DOC2A: variants seen among roughly 807,000 people sequenced by gnomAD.
DOC2A encodes double C2-like domain-containing protein alpha.
DOC2A carries 28 observed loss-of-function variants against 40.6 expected under a neutral mutation model. The observed-to-expected ratio is 0.69, with a 90% CI of 0.51 to 0.95. The LOEUF (loss-of-function observed/expected upper bound fraction) is 0.95, where lower values mean the gene tolerates loss of function less well. DOC2A is among the 40% of genes least tolerant of loss of function. The pLI, the probability that DOC2A is intolerant of heterozygous loss-of-function variation, is 0.00. For missense variants in DOC2A, 474 were observed against 552.5 expected (o/e 0.86, Z 1.42); for synonymous variants, 241 against 236.9 (o/e 1.02, Z -0.16).
At chr16:30,015,501 G>C (rs2070845638), upstream of DOC2A, among the ~76,000 whole-genome samples, 3 of 152,078 alleles carry the variant, frequency 2.0e-5, no homozygotes, top group East Asian at 5.8e-4. Flanking sequence ...TATTTTTGTA[G>C]AGATGGGTTT....
At chr16:30,015,542 C>A (rs1308294752), upstream of DOC2A, among the ~76,000 whole-genome samples, 1 of 152,120 alleles carries the variant, frequency 6.6e-6, no homozygotes, top group East Asian at 1.9e-4. Context: ...ATCTTGAACT[C>A]CTGACCTCAG....
chr16:30,011,356 T>G, upstream of DOC2A: 1 of 984,638 alleles, frequency 1.0e-6, no homozygotes, highest in Non-Finnish European at 1.2e-6. Flanking sequence ...ACACACGCAC[T>G]CGCAAACACG....
Position 30,005,805 on chromosome 16 carries a change from C to A in DOC2A, c.*381G>T. ...AGTGGCTCTGGGTTTGTTTTTTGTC[C>A]TTTTTTTTTGAGACATTCTCCTCCT... On this transcript the variant is annotated 3_prime_UTR_variant, in exon 11 of 11. Transcript: ENST00000350119. The A allele has an allele frequency of 2.3e-6, 1 of 443,868 alleles. No individual in the cohort carries two copies. The highest frequency in any genetic ancestry group is 4.5e-5 in the East Asian group (1 of 22,352). 27.5% of individuals were successfully genotyped at this position (443,868 alleles called of 1,614,324 possible). A position where few individuals can be genotyped will look rare whatever the true frequency, so the allele number is the denominator to read the frequency against.
Position 30,010,648 on chromosome 16 carries a change from G to A in DOC2A, c.-14+255C>T. On this transcript the variant is annotated intron_variant, in intron 1 of 10. Coordinates refer to ENST00000350119, the MANE Select transcript of DOC2A (RefSeq NM_003586.3). This position sits in a 1 kb window ranked among gnomAD's most constrained non-coding sequence, Gnocchi z 4.2. The stretch of plus-strand genomic sequence containing the variant: ...TCTGCACCAGGCGCTGGTCTAGTCA[G>A]GGTGTCACCCACCCCTCTAGGCTCC... 3.7e-6 allele frequency: 1 copy of A among 272,766 alleles called. No individual in the cohort carries two copies. The highest frequency in any genetic ancestry group is 7.2e-6 in the Non-Finnish European group (1 of 139,606). The allele number at this position is 272,766 out of a possible 1,614,324, so 16.9% of individuals were successfully genotyped here. A position where few individuals can be genotyped will look rare whatever the true frequency, so the allele number is the denominator to read the frequency against.
Position 30,006,841 on chromosome 16 carries a change from G to C in DOC2A, c.822C>G (p.Arg274=), listed in dbSNP as rs2070616312. 3.7e-6 allele frequency: 6 copies of C among 1,613,650 alleles called. No homozygotes were observed. Among genetic ancestry groups the C allele is most frequent in the Non-Finnish European group, 5.1e-6 (6 of 1,179,878 alleles). ...RRRGLLVGIL[R]CAHLAAMDVN... ...CGTCCATGGCAGCCAGATGGGCGCA[G>C]CGCAAGATGCCTACCAGCAGTCCCC... The change falls in exon 8 of 11, where the codon CGC becomes CGG. Residue 274 remains arginine (R), a synonymous_variant. Transcript: ENST00000350119. This position sits in a 1 kb window ranked among gnomAD's most constrained non-coding sequence, Gnocchi z 6.2.
In DOC2A at chr16:30,006,213, AG is replaced by A; in HGVS notation, c.1175del (p.Pro392LeufsTer50). On this transcript the variant is annotated frameshift_variant, in exon 11 of 11. Coordinates refer to ENST00000350119, the MANE Select transcript of DOC2A (RefSeq NM_003586.3). LOFTEE classifies it high-confidence loss of function. The surrounding 1 kb of genome is among the most constrained non-coding windows in gnomAD (Gnocchi z 6.2). ...AGGCTGAGGACAGAGCCCCGGCCGC[AG>A]GGGGCAGCTCACTGGTCAGGGTGTG... ...RWHTLTSELP[P>X]AAGALSSA 6.3e-7 allele frequency: 1 copy of A among 1,587,840 alleles called. No homozygotes were observed.
Position 30,010,310 on chromosome 16 carries a change from C to G in DOC2A, c.-13-75G>C, listed in dbSNP as rs765968828. 1 of 1,586,130 alleles carries G rather than the reference C, an allele frequency of 6.3e-7. No homozygotes were observed. The highest frequency in any genetic ancestry group is 1.7e-5 in the Admixed American group (1 of 59,970). On this transcript the variant is annotated intron_variant, in intron 1 of 10. Coordinates refer to ENST00000350119, the MANE Select transcript of DOC2A (RefSeq NM_003586.3). This position sits in a 1 kb window ranked among gnomAD's most constrained non-coding sequence, Gnocchi z 4.2. ...GCTGAGGGCCAGGCGACGGCCTCCT[C>G]GGTCTGTGGGGCCCTCACTGGCCTC... is the stretch of plus-strand genomic sequence containing the variant.
chr16:30,016,053 A>G (rs1184025427), upstream of DOC2A, among the ~76,000 whole-genome samples: 2 of 18,190 alleles, frequency 1.1e-4, no homozygotes, highest in Non-Finnish European at 2.0e-4. Flanking sequence ...ATATATATAT[A>G]TATTTTTTTT....
Position 30,010,996 on chromosome 16 carries a change from G to C in DOC2A, c.-107C>G, listed in dbSNP as rs1176600621. 3.0e-6 allele frequency: 3 copies of C among 993,408 alleles called. No individual in the cohort carries two copies. The highest frequency in any genetic ancestry group is 1.7e-5 in the African/African-American group (1 of 57,356). 61.5% of individuals were successfully genotyped at this position (993,408 alleles called of 1,614,324 possible). A position where few individuals can be genotyped will look rare whatever the true frequency, so the allele number is the denominator to read the frequency against. The stretch of plus-strand genomic sequence containing the variant: ...AGGAGAGCGCGGAGTCGAGCTGTGC[G>C]AGCCGAGAGGGAGGGAGCGCCGAGA... On this transcript the variant is annotated 5_prime_UTR_variant, in exon 1 of 11. Coordinates refer to ENST00000350119, the MANE Select transcript of DOC2A (RefSeq NM_003586.3). The surrounding 1 kb of genome is among the most constrained non-coding windows in gnomAD (Gnocchi z 4.2).
chr16:30,015,706 T>TTC (rs1403849232), upstream of DOC2A, among the ~76,000 whole-genome samples: 8 of 146,782 alleles, frequency 5.5e-5, no homozygotes, highest in Non-Finnish European at 9.0e-5. Context: ...TTTTTCTTTT[T>TTC]TTTTTTTTTT....
At chr16:30,012,930 G>A (rs1428425815), upstream of DOC2A, among the ~76,000 whole-genome samples, 1 of 151,966 alleles carries the variant, frequency 6.6e-6, no homozygotes, top group Non-Finnish European at 1.5e-5. Flanking sequence ...GGCGGAGGTT[G>A]CAGTGAGCTG....
chr16:30,006,845 A>G lies in DOC2A; in HGVS notation c.818T>C (p.Leu273Ser). The change falls in exon 8 of 11, where the codon TTG becomes TCG. Residue 273 changes from leucine to serine, a missense_variant. Leu to Ser is a moderately radical substitution (Grantham distance 145). Coordinates refer to ENST00000350119, the MANE Select transcript of DOC2A (RefSeq NM_003586.3). This position sits in a 1 kb window ranked among gnomAD's most constrained non-coding sequence, Gnocchi z 6.2. Reference sequence around the variant, plus strand: ...CATGGCAGCCAGATGGGCGCAGCGCAAGATGCCTACCAGCAGTCCCCGGCG... The same window carrying G: ...CATGGCAGCCAGATGGGCGCAGCGCGAGATGCCTACCAGCAGTCCCCGGCG... ...SRRRGLLVGI[L>S]RCAHLAAMDV... is the part of the protein sequence containing the mutation. 2 of 1,613,756 alleles carry G rather than the reference A, an allele frequency of 1.2e-6. No individual in the cohort carries two copies. Among genetic ancestry groups the G allele is most frequent in the Non-Finnish European group, 1.7e-6 (2 of 1,179,832 alleles).
At chr16:30,011,857 T>A (rs1057474243), upstream of DOC2A, 5 of 151,814 alleles carry the variant, frequency 3.3e-5, no homozygotes, top group African/African-American at 7.3e-5. Flanking sequence ...GGAACCACCC[T>A]CCCCCCTGCC....
Position 30,009,217 on chromosome 16 carries a change from C to A in DOC2A, c.402G>T (p.Leu134=). 1 of 1,587,204 alleles carries A rather than the reference C, an allele frequency of 6.3e-7. No homozygotes were observed. Among genetic ancestry groups the A allele is most frequent in the East Asian group, 2.3e-5 (1 of 43,900 alleles). The part of the protein sequence containing the change: ...LADPYVKLHL[L]PGACKANKLK... ...AGGCTGTTACCTTACAGGCTCCAGG[C>A]AGCAAGTGCAGCTTGACGTAGGGGT... The change falls in exon 4 of 11, where the codon CTG becomes CTT. Residue 134 remains leucine (L), a synonymous_variant. Transcript: ENST00000350119. The surrounding 1 kb of genome is among the most constrained non-coding windows in gnomAD (Gnocchi z 4.1).
Position 30,009,532 on chromosome 16 carries a change from G to A in DOC2A, c.288C>T (p.Asp96=), listed in dbSNP as rs1405920807. 6 of 1,551,408 alleles carry A rather than the reference G, an allele frequency of 3.9e-6. No individual in the cohort carries two copies. Among genetic ancestry groups the A allele is most frequent in the Non-Finnish European group, 5.2e-6 (6 of 1,146,994 alleles). The part of the protein sequence containing the change: ...DATALGTLEF[D]LLYDRASCTL... ...TGCAGGAGGCCCGGTCGTAGAGAAG[G>A]TCAAACTCCAGCGTGCCTAGGGCGG... The change falls in exon 3 of 11, where the codon GAC becomes GAT. Residue 96 remains aspartate (D), a synonymous_variant. Coordinates refer to ENST00000350119, the MANE Select transcript of DOC2A (RefSeq NM_003586.3). This position sits in a 1 kb window ranked among gnomAD's most constrained non-coding sequence, Gnocchi z 4.1.
upstream of DOC2A, chr16:30,015,281 T>TA (rs936823909): frequency 6.6e-6 from 1 of 152,298 alleles, no homozygotes; most frequent in Non-Finnish European, 1.5e-5. Context: ...AAGAATACAT[T>TA]AAAATAATAA....
At chr16:30,022,115 T>C (rs1290080498), upstream of DOC2A, among the ~76,000 whole-genome samples, 1 of 151,506 alleles carries the variant, frequency 6.6e-6, no homozygotes, top group Non-Finnish European at 1.5e-5. Context: ...CGAACAGTGA[T>C]GGTGCGCGCC....
At position 30,009,519 on chromosome 16, in the gene DOC2A, G is replaced by C; in HGVS notation, c.301C>G (p.Arg101Gly). Reference sequence around the variant, plus strand: ...CTACAGTGCAGAGTGCAGGAGGCCCGGTCGTAGAGAAGGTCAAACTCCAGC... The same window carrying C: ...CTACAGTGCAGAGTGCAGGAGGCCCCGTCGTAGAGAAGGTCAAACTCCAGC... ...GTLEFDLLYDRASCTLHCSIL... is the reference protein window; with the variant it reads ...GTLEFDLLYDGASCTLHCSIL... Residue 101 changes from arginine to glycine, a missense_variant, in exon 3 of 11, where the codon CGG becomes GGG. Coordinates refer to ENST00000350119, the MANE Select transcript of DOC2A (RefSeq NM_003586.3). The surrounding 1 kb of genome is among the most constrained non-coding windows in gnomAD (Gnocchi z 4.1). The C allele has an allele frequency of 6.4e-7, 1 of 1,551,530 alleles. No individual in the cohort carries two copies. Among genetic ancestry groups the C allele is most frequent in the Non-Finnish European group, 8.7e-7 (1 of 1,146,988 alleles).
chr16:30,009,389 G>A lies in DOC2A; in HGVS notation c.342+89C>T. 3 of 1,495,638 alleles carry A rather than the reference G, an allele frequency of 2.0e-6. No individual in the cohort carries two copies. The highest frequency in any genetic ancestry group is 1.2e-5 in the South Asian group (1 of 82,988). The allele number at this position is 1,495,638 out of a possible 1,614,324, so 92.6% of individuals were successfully genotyped here. On this transcript the variant is annotated intron_variant, in intron 3 of 10. Transcript: ENST00000350119. The surrounding 1 kb of genome is among the most constrained non-coding windows in gnomAD (Gnocchi z 4.1). ...AGGAGGGGGCAAGGGCAGGACGAAGGAGCAGGCCTGGGAAGGGAAGGAGGA... is the reference window on the plus strand; with the variant it reads ...AGGAGGGGGCAAGGGCAGGACGAAGAAGCAGGCCTGGGAAGGGAAGGAGGA...
Sources: allele counts gnomAD v4.1 joint callset (sites outside exome capture counted in the v4.1 genomes callset), GRCh38; gene constraint gnomAD v4.1.1; non-coding constraint Gnocchi (gnomAD v3.1); transcripts MANE v1.5; gene names NCBI Gene and HGNC (gene_info 2026-07-23, HGNC 2026-07-21).